The following EFCAB11 variants were observed in gnomAD, a reference collection of about 807,000 sequenced individuals.
EFCAB11 encodes the protein EF-hand calcium binding domain 11.
A neutral mutation model predicts 23.0 loss-of-function variants in EFCAB11; 14 were observed. That is an observed-to-expected ratio of 0.61 (90% CI 0.40 to 0.95). The LOEUF (loss-of-function observed/expected upper bound fraction) is 0.95, where lower values mean the gene tolerates loss of function less well. Ranked by LOEUF, EFCAB11 falls within the 40% of genes least tolerant of loss-of-function variation. EFCAB11 has a pLI of 0.00. For synonymous variants in EFCAB11, 65 were observed against 66.6 expected (o/e 0.98, Z 0.11); for missense variants, 198 against 195.8 (o/e 1.01, Z -0.07).
intron 5 of EFCAB11, among the ~76,000 whole-genome samples, chr14:89,887,981 C>G (rs1302070561): frequency 6.6e-6 from 1 of 152,184 alleles, no homozygotes; most frequent in African/African-American, 2.4e-5. Flanking sequence ...TAGTTATCAG[C>G]TATATCCCAG....
At chr14:89,934,096 C>T (rs986171192) in intron 3 of EFCAB11, among the ~76,000 whole-genome samples, 14 of 152,146 alleles carry the variant, frequency 9.2e-5, no homozygotes, top group Non-Finnish European at 5.9e-5. Flanking sequence ...AACTCACAGG[C>T]TCTTGTGGGC....
chr14:89,928,496 A>T (rs1255759835), intron 5 of EFCAB11, among the ~76,000 whole-genome samples: 1 of 151,838 alleles, frequency 6.6e-6, no homozygotes, highest in African/African-American at 2.4e-5. Flanking sequence ...AAATACATAG[A>T]TCTAAATGGG....
At chr14:89,875,363 T>C (rs775950368) in intron 5 of EFCAB11, among the ~76,000 whole-genome samples, 4 of 152,174 alleles carry the variant, frequency 2.6e-5, no homozygotes, top group Non-Finnish European at 5.9e-5. Context: ...ATGTGAATTA[T>C]GAACCTACAA....
intron 5 of EFCAB11, among the ~76,000 whole-genome samples, chr14:89,882,197 T>C (rs1046260790): frequency 6.6e-6 from 1 of 152,202 alleles, no homozygotes; most frequent in Admixed American, 6.5e-5. Context: ...GAATAAAATA[T>C]TGGTATCTGT....
At chr14:89,825,996 A>G (rs990490995) in intron 5 of EFCAB11, among the ~76,000 whole-genome samples, 4 of 152,208 alleles carry the variant, frequency 2.6e-5, no homozygotes, top group African/African-American at 4.8e-5. Flanking sequence ...TCCTGGGAAT[A>G]TAGTAGCCAA....
chr14:89,800,830 G>A (rs1885752641), intron 5 of EFCAB11, among the ~76,000 whole-genome samples: 1 of 152,038 alleles, frequency 6.6e-6, no homozygotes, highest in African/African-American at 2.4e-5. Flanking sequence ...ATCACTTGAG[G>A]TCAGGAGTTC....
intron 5 of EFCAB11, chr14:89,836,946 G>A (rs1246825209): frequency 2.2e-6 from 1 of 444,778 alleles, no homozygotes; most frequent in African/African-American, 2.0e-5. Context: ...TTGAACCCAG[G>A]AGGAAGTGGA....
At chr14:89,886,847 T>C (rs1325704321) in intron 5 of EFCAB11, among the ~76,000 whole-genome samples, 1 of 152,090 alleles carries the variant, frequency 6.6e-6, no homozygotes, top group Non-Finnish European at 1.5e-5. Context: ...GCCCAAAGAG[T>C]CAGAAAATTT....
intron 3 of EFCAB11, among the ~76,000 whole-genome samples, chr14:89,947,039 C>T (rs1441426831): frequency 2.0e-5 from 3 of 151,882 alleles, no homozygotes; most frequent in Admixed American, 2.0e-4. Flanking sequence ...ACAGTATCAA[C>T]ATATATTTAT....
chr14:89,954,194 GAAATTTCCCTC>G (rs1257031281), intron 1 of EFCAB11, among the ~76,000 whole-genome samples, 193 bp from the exon 2 acceptor site: 5 of 152,156 alleles, frequency 3.3e-5, no homozygotes, highest in Non-Finnish European at 7.4e-5. Flanking sequence ...AACATGGGCT[GAAATTTCCCTC>G]AAAGTGCAAA....
At chr14:89,914,846 ATCTC>A (rs1307769870) in intron 5 of EFCAB11, among the ~76,000 whole-genome samples, 3 of 151,836 alleles carry the variant, frequency 2.0e-5, no homozygotes, top group African/African-American at 7.3e-5. Flanking sequence ...TCAAAACCTG[ATCTC>A]TCTGACTCCA....
intron 5 of EFCAB11, among the ~76,000 whole-genome samples, chr14:89,873,206 C>T (rs1446745298): frequency 6.6e-6 from 1 of 152,026 alleles, no homozygotes; most frequent in Non-Finnish European, 1.5e-5. Flanking sequence ...TGGCGGCAGG[C>T]AAGAGAACTT....
chr14:89,933,677 GAA>G (rs1890477841), intron 3 of EFCAB11, among the ~76,000 whole-genome samples: 1 of 152,176 alleles, frequency 6.6e-6, no homozygotes, highest in Non-Finnish European at 1.5e-5. Flanking sequence ...AAATAGAGGG[GAA>G]AAGAGAATAC....
At chr14:89,907,320 A>T (rs191843212) in intron 5 of EFCAB11, among the ~76,000 whole-genome samples, 11 of 152,326 alleles carry the variant, frequency 7.2e-5, no homozygotes, top group Admixed American at 5.9e-4. Context: ...AATGTTTCCT[A>T]TTATGATGAT....
intron 5 of EFCAB11, among the ~76,000 whole-genome samples, chr14:89,816,540 G>A (rs1886342994): frequency 6.6e-6 from 1 of 152,082 alleles, no homozygotes; most frequent in Non-Finnish European, 1.5e-5. Flanking sequence ...AGGCTTAAAA[G>A]GGAATTTTAT....
intron 5 of EFCAB11, chr14:89,831,019 G>A (rs1002839685): frequency 6.6e-6 from 1 of 152,338 alleles, no homozygotes; most frequent in Non-Finnish European, 1.5e-5. Context: ...CTTATTTATT[G>A]GGTGGAGAAG....
intron 5 of EFCAB11, among the ~76,000 whole-genome samples, chr14:89,799,704 C>A (rs946938176): frequency 6.7e-6 from 1 of 149,632 alleles, no homozygotes; most frequent in African/African-American, 2.5e-5. Context: ...GAGGGCAAGA[C>A]CTTTGTCTTC....
chr14:89,833,704 GA>G (rs1339777557), intron 5 of EFCAB11, among the ~76,000 whole-genome samples: 3 of 152,096 alleles, frequency 2.0e-5, no homozygotes, highest in Non-Finnish European at 4.4e-5. Context: ...TTTATCCAGG[GA>G]AAAAATTTTG....
intron 5 of EFCAB11, among the ~76,000 whole-genome samples, chr14:89,930,655 G>T (rs560872608): frequency 1.3e-5 from 2 of 152,346 alleles, no homozygotes; most frequent in East Asian, 3.9e-4. Flanking sequence ...AGAGGGAGAA[G>T]CCAGGTGTTG....
Sources: gnomAD v4.1 joint callset for allele counts (sites outside exome capture counted in the v4.1 genomes callset) on GRCh38, gnomAD v4.1.1 for gene constraint, MANE v1.5 for transcripts, NCBI Gene and HGNC (gene_info 2026-07-23, HGNC 2026-07-21) for gene names.